Variants in LUZP2 observed in about 807,000 individuals in gnomAD.
LUZP2 encodes the protein leucine zipper protein 2.
In LUZP2, 52 loss-of-function variants were observed where a neutral mutation model predicts 51.6. The ratio of observed to expected loss-of-function variants is 1.01; its 90% confidence interval spans 0.81 to 1.27. The LOEUF (loss-of-function observed/expected upper bound fraction) is 1.27, where lower values mean the gene tolerates loss of function less well. Among genes scored for constraint, LUZP2 ranks in the 50% most tolerant of loss-of-function variants. The pLI, the probability that LUZP2 is intolerant of heterozygous loss-of-function variation, is 0.00. For missense variants in LUZP2, 436 were observed against 395.4 expected (o/e 1.10, Z -0.87); for synonymous variants, 154 against 137.3 (o/e 1.12, Z -0.85).
At chr11:24,880,090 C>T (rs1353412663) in intron 5 of LUZP2, among the ~76,000 whole-genome samples, 1 of 152,182 alleles carries the variant, frequency 6.6e-6, no homozygotes, top group Non-Finnish European at 1.5e-5. Flanking sequence ...CCCCAAAGCA[C>T]TTTAGGCCAT....
intron 1 of LUZP2, among the ~76,000 whole-genome samples, chr11:24,554,419 A>G (rs937257522): frequency 1.3e-5 from 2 of 152,158 alleles, no homozygotes; most frequent in Non-Finnish European, 2.9e-5. Context: ...ATTTTCTGAA[A>G]TATACTATGA....
At position 25,005,335 on chromosome 11, in the gene LUZP2, A is replaced by C. The variant is rs186325260; in HGVS notation, c.765+22042A>C. Among the ~76,000 whole-genome samples, 5 of 152,304 alleles carry C rather than the reference A, an allele frequency of 3.3e-5. No individual in the cohort carries two copies. In the East Asian group the frequency reaches 9.7e-4, roughly 29 times the overall value. On this transcript the variant is annotated intron_variant, in intron 9 of 11. Transcript: ENST00000336930. ...TTGCATAGTTGTGGATTCACCTTCAATTAAAAGAAAGCTTGGACATAAGGT... is the reference window on the plus strand; with the variant it reads ...TTGCATAGTTGTGGATTCACCTTCACTTAAAAGAAAGCTTGGACATAAGGT...
At chr11:24,604,833 C>A (rs2133873911) in intron 1 of LUZP2, among the ~76,000 whole-genome samples, 1 of 151,860 alleles carries the variant, frequency 6.6e-6, no homozygotes, top group East Asian at 1.9e-4. Context: ...AGATATTCTC[C>A]AAATACCCAC....
intron 1 of LUZP2, among the ~76,000 whole-genome samples, chr11:24,512,119 T>C (rs898501936): frequency 3.9e-5 from 6 of 152,134 alleles, no homozygotes; most frequent in Non-Finnish European, 4.4e-5. Flanking sequence ...TAATAGATGA[T>C]GTATATTGGG....
chr11:25,030,167 G>A (rs917601391), intron 9 of LUZP2, among the ~76,000 whole-genome samples: 2 of 152,066 alleles, frequency 1.3e-5, no homozygotes, highest in Non-Finnish European at 2.9e-5. Flanking sequence ...AATATGGCTA[G>A]TATTGATTAT....
intron 9 of LUZP2, among the ~76,000 whole-genome samples, chr11:25,024,344 A>G (rs1400130266): frequency 1.3e-5 from 2 of 152,176 alleles, no homozygotes; most frequent in Admixed American, 6.5e-5. Context: ...TTAGGAAATG[A>G]GGAAGTCAAA....
At chr11:25,042,912 T>G (rs930771900) in intron 9 of LUZP2, among the ~76,000 whole-genome samples, 1 of 152,192 alleles carries the variant, frequency 6.6e-6, no homozygotes, top group African/African-American at 2.4e-5. Flanking sequence ...ATGTTGAAGC[T>G]ATAACCACCA....
intron 1 of LUZP2, among the ~76,000 whole-genome samples, chr11:24,638,592 TAAA>T (rs1199930768): frequency 6.6e-6 from 1 of 151,676 alleles, no homozygotes; most frequent in Non-Finnish European, 1.5e-5. Context: ...TTTATGGCCT[TAAA>T]AGAAGGATTA....
At chr11:24,746,342 C>T (rs1362843309) in intron 4 of LUZP2, among the ~76,000 whole-genome samples, 1 of 152,140 alleles carries the variant, frequency 6.6e-6, no homozygotes, top group Non-Finnish European at 1.5e-5. Flanking sequence ...AAATTCTTAG[C>T]TGGTAATTGT....
chr11:24,729,639 C>T (rs78770427), intron 2 of LUZP2, among the ~76,000 whole-genome samples: 3,922 of 151,932 alleles, frequency 0.026, 175 homozygotes, highest in African/African-American at 0.088. Context: ...AAATTCCCCA[C>T]GGGATAATTC....
chr11:24,820,564 T>C, intron 5 of LUZP2, among the ~76,000 whole-genome samples: 1 of 152,094 alleles, frequency 6.6e-6, no homozygotes, highest in East Asian at 1.9e-4. Context: ...GAACAGAAAC[T>C]AGTGATGAGA....
chr11:24,572,286 C>T (rs578252659), intron 1 of LUZP2, among the ~76,000 whole-genome samples: 4 of 152,100 alleles, frequency 2.6e-5, no homozygotes, highest in South Asian at 4.1e-4. Flanking sequence ...ATATAATCTA[C>T]AGACTCAATT....
At chr11:24,820,781 A>G (rs2134157109) in intron 5 of LUZP2, among the ~76,000 whole-genome samples, 1 of 152,262 alleles carries the variant, frequency 6.6e-6, no homozygotes, top group Admixed American at 6.5e-5. Context: ...ATGTGTATTA[A>G]GATGAGCCAG....
chr11:24,634,732 ATTTGAGTT>A (rs1170611379), intron 1 of LUZP2, among the ~76,000 whole-genome samples: 1 of 152,096 alleles, frequency 6.6e-6, no homozygotes, highest in East Asian at 1.9e-4. Context: ...TGGTCAAGGC[ATTTGAGTT>A]TGCAGGTGCA....
At chr11:24,945,220 G>C (rs373736158) in intron 7 of LUZP2, among the ~76,000 whole-genome samples, 1 of 151,952 alleles carries the variant, frequency 6.6e-6, no homozygotes, top group East Asian at 1.9e-4. Context: ...TTTTCATAAT[G>C]GCAAAACCTG....
chr11:24,723,582 T>TATAAACC (rs1345904524), intron 1 of LUZP2, among the ~76,000 whole-genome samples: 1 of 152,202 alleles, frequency 6.6e-6, no homozygotes, highest in Non-Finnish European at 1.5e-5. Context: ...TCCCAGCACT[T>TATAAACC]TGGGAGGCTG....
chr11:24,801,972 A>T (rs2134117497), intron 5 of LUZP2, among the ~76,000 whole-genome samples: 1 of 151,988 alleles, frequency 6.6e-6, no homozygotes, highest in South Asian at 2.1e-4. Flanking sequence ...ACATATGTGT[A>T]CATATGTTTA....
chr11:24,708,658 C>T (rs926018803), intron 1 of LUZP2, among the ~76,000 whole-genome samples: 3 of 152,112 alleles, frequency 2.0e-5, no homozygotes, highest in Admixed American at 2.0e-4. Context: ...TTTCTTGGTT[C>T]TTCACCCCCA....
chr11:24,534,892 A>G (rs1355717565), intron 1 of LUZP2, among the ~76,000 whole-genome samples: 1 of 151,356 alleles, frequency 6.6e-6, no homozygotes, highest in African/African-American at 2.4e-5. Flanking sequence ...AACTTTTAAA[A>G]CTTGAATTTC....
Sources: allele counts gnomAD v4.1 joint callset (sites outside exome capture counted in the v4.1 genomes callset), GRCh38; gene constraint gnomAD v4.1.1; transcripts MANE v1.5; gene names NCBI Gene and HGNC (gene_info 2026-07-23, HGNC 2026-07-21).